UBE2E2: variants seen among roughly 807,000 people sequenced by gnomAD.
UBE2E2 encodes ubiquitin-conjugating enzyme E2 E2.
In UBE2E2, 6 loss-of-function variants were observed where a neutral mutation model predicts 24.7. The ratio of observed to expected loss-of-function variants is 0.24; its 90% confidence interval spans 0.13 to 0.48. The LOEUF is 0.48. Ranked by LOEUF, UBE2E2 falls within the 20% of genes least tolerant of loss-of-function variation. UBE2E2 has a pLI of 0.99. For synonymous variants in UBE2E2, 104 were observed against 83.6 expected (o/e 1.24, Z -1.33); for missense variants, 169 against 245.0 (o/e 0.69, Z 2.07).
rs1359338258 is a variant in UBE2E2, at chr3:23,583,597, T to A, written c.509-6137T>A. On this transcript the variant is annotated intron_variant, in intron 5 of 5. Transcript: ENST00000396703. This position sits in a 1 kb window ranked among gnomAD's most constrained non-coding sequence, Gnocchi z 4.1. ...CCATTTGTTTGTGTCACCTCTGATT[T>A]CTTTGAGCAGTGATTTGTAATTCTC... Among the ~76,000 whole-genome samples, 1 of 152,216 alleles carries A rather than the reference T, an allele frequency of 6.6e-6. No homozygotes were observed. Among genetic ancestry groups the A allele is most frequent in the African/African-American group, 2.4e-5 (1 of 41,456 alleles).
intron 5 of UBE2E2, among the ~76,000 whole-genome samples, chr3:23,560,426 A>G (rs1335983341): frequency 2.0e-5 from 3 of 152,228 alleles, no homozygotes; most frequent in Middle Eastern, 6.8e-3. Flanking sequence ...ATAATATTCC[A>G]TAGTGTATAT....
chr3:23,411,047 A>G (rs1697484539), intron 3 of UBE2E2, among the ~76,000 whole-genome samples: 1 of 152,192 alleles, frequency 6.6e-6, no homozygotes, highest in South Asian at 2.1e-4. Flanking sequence ...TGATAACTGC[A>G]GAATACTATA....
At chr3:23,379,103 C>T (rs182636156) in intron 3 of UBE2E2, among the ~76,000 whole-genome samples, 2 of 152,084 alleles carry the variant, frequency 1.3e-5, no homozygotes, top group Admixed American at 1.3e-4. Flanking sequence ...GTTTGACTGT[C>T]TTGTGAGATT....
chr3:23,368,177 A>T (rs927185429), intron 3 of UBE2E2, among the ~76,000 whole-genome samples: 5 of 152,140 alleles, frequency 3.3e-5, no homozygotes, highest in Admixed American at 6.5e-5. Context: ...TATTTATATT[A>T]TGTATAGTTC....
chr3:23,426,493 T>C (rs1429353198), intron 3 of UBE2E2, among the ~76,000 whole-genome samples: 1 of 150,760 alleles, frequency 6.6e-6, no homozygotes, highest in African/African-American at 2.4e-5. Context: ...AAATCTGGAA[T>C]GAAGCCTGAT....
intron 5 of UBE2E2, among the ~76,000 whole-genome samples, chr3:23,566,447 A>G (rs189043495): frequency 1.3e-5 from 2 of 152,290 alleles, no homozygotes; most frequent in African/African-American, 2.4e-5. Flanking sequence ...GACACTCCAG[A>G]CATGTGTTAG....
At chr3:23,403,009 G>T (rs1357037159) in intron 3 of UBE2E2, among the ~76,000 whole-genome samples, 2 of 152,218 alleles carry the variant, frequency 1.3e-5, no homozygotes, top group Non-Finnish European at 2.9e-5. Context: ...CTCAGGGGCA[G>T]ATTGAGTGCT....
At chr3:23,221,525 C>T (rs1313507586) in intron 3 of UBE2E2, among the ~76,000 whole-genome samples, 1 of 152,106 alleles carries the variant, frequency 6.6e-6, no homozygotes, top group Non-Finnish European at 1.5e-5. Flanking sequence ...TTTGCCTTAT[C>T]TGGACATTTT....
chr3:23,449,939 C>T (rs2125415446), intron 3 of UBE2E2: 1 of 985,344 alleles, frequency 1.0e-6, no homozygotes, highest in Non-Finnish European at 1.2e-6. Flanking sequence ...AGGAAATGTA[C>T]CCCTGAAGAG....
At chr3:23,450,052 G>T in intron 3 of UBE2E2, 1 of 417,958 alleles carries the variant, frequency 2.4e-6, no homozygotes, top group Non-Finnish European at 3.2e-6. Flanking sequence ...CCATTTGTCT[G>T]TTATGGGAAT....
At chr3:23,456,377 T>A (rs542136469) in intron 3 of UBE2E2, among the ~76,000 whole-genome samples, 100 of 152,360 alleles carry the variant, frequency 6.6e-4, no homozygotes, top group African/African-American at 2.4e-3. Context: ...GGTGAATCCA[T>A]TCCACAAGAT....
intron 3 of UBE2E2, among the ~76,000 whole-genome samples, chr3:23,432,779 G>A (rs1464436270): frequency 6.6e-6 from 1 of 151,816 alleles, no homozygotes; most frequent in Non-Finnish European, 1.5e-5. Context: ...CCAGATAACA[G>A]TCACACAGAG....
chr3:23,348,347 CAAAA>C (rs35038477), intron 3 of UBE2E2, among the ~76,000 whole-genome samples: 2 of 121,942 alleles, frequency 1.6e-5, no homozygotes, highest in Non-Finnish European at 3.4e-5. Context: ...GTGCTGCTTT[CAAAA>C]AAAAAAAAAA....
At chr3:23,425,940 TTATCA>T (rs1293193250) in intron 3 of UBE2E2, among the ~76,000 whole-genome samples, 3 of 151,976 alleles carry the variant, frequency 2.0e-5, no homozygotes, top group African/African-American at 7.2e-5. Flanking sequence ...GCTCTTGAAA[TTATCA>T]TATCAGGAAT....
intron 3 of UBE2E2, among the ~76,000 whole-genome samples, chr3:23,382,912 A>T (rs1696712443): frequency 6.6e-6 from 1 of 152,116 alleles, no homozygotes; most frequent in East Asian, 1.9e-4. Flanking sequence ...TTTTGTACCA[A>T]GGAGGTAAGA....
At chr3:23,431,477 A>G (rs1348063882) in intron 3 of UBE2E2, among the ~76,000 whole-genome samples, 1 of 146,488 alleles carries the variant, frequency 6.8e-6, no homozygotes, top group African/African-American at 2.6e-5. Context: ...TGAGTACAAT[A>G]TATTAATATG....
At chr3:23,536,893 A>G (rs9848652) in intron 5 of UBE2E2, among the ~76,000 whole-genome samples, 1,600 of 152,330 alleles carry the variant, frequency 0.011, 21 homozygotes, top group African/African-American at 0.035. Context: ...ACAGTGTGAC[A>G]TAAGTCCTCG....
At chr3:23,305,979 T>C (rs1390070804) in intron 3 of UBE2E2, among the ~76,000 whole-genome samples, 3 of 152,182 alleles carry the variant, frequency 2.0e-5, no homozygotes, top group Admixed American at 2.0e-4. Flanking sequence ...TTCTAGGCCT[T>C]TATTCTCAAT....
intron 4 of UBE2E2, among the ~76,000 whole-genome samples, chr3:23,507,080 T>C (rs1694476393): frequency 6.6e-6 from 1 of 152,236 alleles, no homozygotes; most frequent in Non-Finnish European, 1.5e-5. Flanking sequence ...CATCATTTTT[T>C]ACTCAAATAC....
Sources: allele counts gnomAD v4.1 joint callset (sites outside exome capture counted in the v4.1 genomes callset), GRCh38; gene constraint gnomAD v4.1.1; non-coding constraint Gnocchi (gnomAD v3.1); transcripts MANE v1.5; gene names NCBI Gene and HGNC (gene_info 2026-07-23, HGNC 2026-07-21).